The following EPB41L2 variants were observed in gnomAD, a reference collection of about 807,000 sequenced individuals.
EPB41L2 encodes band 4.1-like protein 2.
In EPB41L2, 43 loss-of-function variants were observed where a neutral mutation model predicts 113.0. The ratio of observed to expected loss-of-function variants is 0.38; its 90% CI spans 0.30 to 0.49. The LOEUF is 0.49. Ranked by LOEUF, EPB41L2 falls within the 20% of genes least tolerant of loss-of-function variation. EPB41L2 has a pLI of 0.95. For missense variants in EPB41L2, 1,147 were observed against 1,223.4 expected (o/e 0.94, Z 0.93); for synonymous variants, 442 against 436.7 (o/e 1.01, Z -0.15).
intron 1 of EPB41L2, among the ~76,000 whole-genome samples, chr6:131,050,199 C>T (rs574257160): frequency 1.9e-4 from 29 of 152,108 alleles, no homozygotes; most frequent in African/African-American, 5.8e-4. Context: ...ATTAGCTGGG[C>T]GTGGTGGCGG....
At chr6:131,054,177 G>A (rs1421774909) in intron 1 of EPB41L2, among the ~76,000 whole-genome samples, 1 of 152,180 alleles carries the variant, frequency 6.6e-6, no homozygotes, top group African/African-American at 2.4e-5. Flanking sequence ...CCATTCCATG[G>A]TCGCACACAC....
intron 16 of EPB41L2, 122 bp from the exon 17 acceptor site, chr6:130,865,756 G>C: frequency 1.0e-6 from 1 of 976,300 alleles, no homozygotes; most frequent in Non-Finnish European, 1.5e-6. Flanking sequence ...GTTTGCAGTA[G>C]TAATTACCAT....
At chr6:130,999,745 A>G (rs962949725) in intron 1 of EPB41L2, among the ~76,000 whole-genome samples, 3 of 152,214 alleles carry the variant, frequency 2.0e-5, no homozygotes, top group Non-Finnish European at 4.4e-5. Context: ...CTCCTGAATC[A>G]TATTAATTTT....
chr6:131,044,398 A>G (rs1795036135), intron 1 of EPB41L2, among the ~76,000 whole-genome samples: 1 of 152,252 alleles, frequency 6.6e-6, no homozygotes, highest in African/African-American at 2.4e-5. Flanking sequence ...AAATACAGTT[A>G]GCATACAAAA....
chr6:130,854,930 C>T (rs190225951), intron 19 of EPB41L2, among the ~76,000 whole-genome samples: 113 of 151,928 alleles, frequency 7.4e-4, no homozygotes, highest in African/African-American at 2.6e-3. Context: ...CCCAGCTACT[C>T]GGGAGGATGA....
At chr6:130,939,760 A>T (rs1190799321) in intron 3 of EPB41L2, among the ~76,000 whole-genome samples, 1 of 152,236 alleles carries the variant, frequency 6.6e-6, no homozygotes, top group African/African-American at 2.4e-5. Context: ...TACCACAATC[A>T]AAAGTCTTTT....
Position 131,009,197 on chromosome 6 carries a change from G to C in EPB41L2, c.-14-52698C>G, listed in dbSNP as rs116282701. Among the ~76,000 whole-genome samples the C allele has an allele frequency of 6.5e-3, 992 of 152,278 alleles. 19 individuals carry two copies. The highest frequency in any genetic ancestry group is 0.023 in the African/African-American group (957 of 41,548). The stretch of plus-strand genomic sequence containing the variant: ...GGGCAGTTCCCCAAGCTGTTCTTGT[G>C]ATAGTGAGTTCTCACGAGGTCTGAT... On this transcript the variant is annotated intron_variant, in intron 1 of 19. Transcript: ENST00000337057.
In EPB41L2 at chr6:130,955,214, G is replaced by T. The variant is rs990389981; in HGVS notation, c.596C>A (p.Thr199Asn). ...AAKRETKEVQ[T>N]NELKAEKASQ... ...TGCCTTCTCTGCTTTCAGCTCATTGGTCTGCACTTCCTTGGTCTCCCTTTT... is the reference window on the plus strand; with the variant it reads ...TGCCTTCTCTGCTTTCAGCTCATTGTTCTGCACTTCCTTGGTCTCCCTTTT... The change falls in exon 3 of 20, where the codon ACC becomes AAC. Residue 199 changes from threonine (T) to asparagine (N), a missense_variant. Thr to Asn is a moderately conservative substitution (Grantham distance 65, BLOSUM62 0). Transcript: ENST00000337057. 1.1e-5 allele frequency: 18 copies of T among 1,614,016 alleles called. No homozygotes were observed. The highest frequency in any genetic ancestry group is 1.5e-5 in the Non-Finnish European group (18 of 1,179,998).
At chr6:130,890,572 T>A in intron 10 of EPB41L2, 106 bp from the exon 11 acceptor site, 1 of 1,290,206 alleles carries the variant, frequency 7.8e-7, no homozygotes, top group Non-Finnish European at 1.0e-6. Context: ...TCATATCTCA[T>A]TTTAAGTATG....
At chr6:130,940,826 G>A (rs1386697433) in intron 3 of EPB41L2, among the ~76,000 whole-genome samples, 2 of 151,978 alleles carry the variant, frequency 1.3e-5, no homozygotes, top group African/African-American at 4.8e-5. Context: ...CATGCATACC[G>A]ACTCCAGCCT....
At chr6:130,958,972 T>G (rs190677870) in intron 1 of EPB41L2, among the ~76,000 whole-genome samples, 51 of 151,994 alleles carry the variant, frequency 3.4e-4, no homozygotes, top group Non-Finnish European at 6.5e-4. Context: ...ATCCAGGAGA[T>G]TGGGTTGATC....
chr6:130,883,628 G>C (rs1354625003), intron 12 of EPB41L2, among the ~76,000 whole-genome samples: 1 of 152,210 alleles, frequency 6.6e-6, no homozygotes, highest in East Asian at 1.9e-4. Context: ...AAATGGAACA[G>C]AGATATTCTG....
chr6:130,907,659 A>C (rs1220118308), intron 5 of EPB41L2, among the ~76,000 whole-genome samples: 1 of 152,200 alleles, frequency 6.6e-6, no homozygotes, highest in East Asian at 1.9e-4. Flanking sequence ...GTATATGCTC[A>C]GAATAAAAAA....
intron 3 of EPB41L2, among the ~76,000 whole-genome samples, chr6:130,929,896 C>CACACAT (rs1288124215): frequency 1.9e-5 from 2 of 107,474 alleles, no homozygotes; most frequent in African/African-American, 5.6e-5. Context: ...CACACACACA[C>CACACAT]ATACACGCAC....
chr6:130,880,496 A>G, intron 12 of EPB41L2: 1 of 649,544 alleles, frequency 1.5e-6, no homozygotes, highest in South Asian at 1.7e-5. Flanking sequence ...TCGCCTGAAA[A>G]GTCACACAGC....
chr6:130,873,465 G>GTTT lies in EPB41L2; in HGVS notation c.2044-3340_2044-3339insAAA, dbSNP rs146101399. On this transcript the variant is annotated intron_variant, in intron 14 of 19. Coordinates refer to ENST00000337057, the MANE Select transcript of EPB41L2 (RefSeq NM_001431.4). ...AATTCCTAATAAACCCCACTATTCA[G>GTTT]GTTTTTTTTTTTTTTTGAGACGGAG... 5.4e-3 allele frequency among the ~76,000 whole-genome samples: 791 copies of GTTT among 146,146 alleles called. 36 individuals are homozygous for GTTT. Among genetic ancestry groups the GTTT allele is most frequent in the African/African-American group, 0.017 (663 of 39,424 alleles).
At chr6:131,025,422 G>A (rs950019379) in intron 1 of EPB41L2, among the ~76,000 whole-genome samples, 7 of 151,990 alleles carry the variant, frequency 4.6e-5, no homozygotes, top group African/African-American at 1.7e-4. Context: ...AGATTTGATC[G>A]AGATCAGACA....
intron 1 of EPB41L2, among the ~76,000 whole-genome samples, chr6:131,035,668 C>A (rs1329055718): frequency 2.0e-5 from 3 of 152,174 alleles, no homozygotes; most frequent in Non-Finnish European, 2.9e-5. Flanking sequence ...AGTTCTGTGA[C>A]CAGATAGACC....
chr6:130,949,262 T>G (rs777449790), intron 3 of EPB41L2, among the ~76,000 whole-genome samples: 1 of 152,160 alleles, frequency 6.6e-6, no homozygotes, highest in Non-Finnish European at 1.5e-5. Context: ...GCACACACTT[T>G]TGGAAATTTT....
Sources: allele counts gnomAD v4.1 joint callset (sites outside exome capture counted in the v4.1 genomes callset), GRCh38; gene constraint gnomAD v4.1.1; transcripts MANE v1.5; gene names NCBI Gene and HGNC (gene_info 2026-07-23, HGNC 2026-07-21).